MYT1: variants seen among roughly 807,000 people sequenced by gnomAD.
The protein encoded by MYT1 is myelin transcription factor 1.
MYT1 carries 23 observed loss-of-function variants against 123.0 expected under a neutral mutation model. The observed-to-expected ratio is 0.19, with a 90% CI of 0.13 to 0.26. MYT1 has a LOEUF of 0.26. MYT1 is among the 10% of genes least tolerant of loss of function. The probability of loss-of-function intolerance (pLI) is 1.00; values close to 1 mark genes in which losing one functional copy is unlikely to be tolerated. For synonymous variants in MYT1, 518 were observed against 575.3 expected (o/e 0.90, Z 1.43); for missense variants, 1,125 against 1,472.5 (o/e 0.76, Z 3.86).
chr20:64,236,452 C>A (rs1336567325), intron 19 of MYT1, 103 bp from the exon 20 acceptor site: 68 of 824,012 alleles, frequency 8.3e-5, no homozygotes, highest in Non-Finnish European at 1.2e-4. Flanking sequence ...TGACCCGGGG[C>A]TGGCCGTGGT....
chr20:64,226,412 C>T (rs913645751), intron 16 of MYT1, among the ~76,000 whole-genome samples: 3 of 152,214 alleles, frequency 2.0e-5, no homozygotes, highest in Non-Finnish European at 4.4e-5. Context: ...TGGAAGACTC[C>T]GGTGAGGAAG....
Position 64,213,597 on chromosome 20 carries a change from G to A in MYT1, c.1581G>A (p.Pro527=), listed in dbSNP as rs1159209028. The A allele has an allele frequency of 6.2e-6, 10 of 1,613,944 alleles. No individual in the cohort carries two copies. Among genetic ancestry groups the A allele is most frequent in the Non-Finnish European group, 6.8e-6 (8 of 1,180,026 alleles). The change falls in exon 10 of 23, where the codon CCG becomes CCA. Residue 527 remains proline (P), a synonymous_variant. Coordinates refer to ENST00000328439, the MANE Select transcript of MYT1 (RefSeq NM_004535.3). The surrounding 1 kb of genome is among the most constrained non-coding windows in gnomAD (Gnocchi z 5.6). ...CCAAATCCCATGAGAAGCAGCAGCC[G>A]CAGACAGGAGATCCTTCCAAGAGTA... The part of the protein sequence containing the change: ...KLAKSHEKQQ[P]QTGDPSKSSS...
chr20:64,204,671 T>G (rs994142043), intron 4 of MYT1, among the ~76,000 whole-genome samples: 11 of 152,298 alleles, frequency 7.2e-5, no homozygotes, highest in African/African-American at 2.6e-4. Flanking sequence ...CTTCTGTGCT[T>G]TGGACTTGGG....
In MYT1 at chr20:64,219,919, C is replaced by T. The variant is rs566317245; in HGVS notation, c.2178C>T (p.Asp726=). 6.0e-5 allele frequency: 94 copies of T among 1,559,342 alleles called. 1 individual carries two copies. Among genetic ancestry groups the T allele is most frequent in the Non-Finnish European group, 6.2e-5 (71 of 1,151,626 alleles). The stretch of plus-strand genomic sequence containing the variant: ...AGTCCAGCCAGGCCTCCCGCCAGGA[C>T]GAGTGGGACCGGCCCCTGGACTACA... ...SPQSSQASRQ[D]EWDRPLDYTK... Residue 726 remains aspartate, a synonymous_variant, in exon 13 of 23, where the codon GAC becomes GAT. Transcript: ENST00000328439.
Position 64,180,728 on chromosome 20 carries a change from C to T in MYT1, c.-98-9335C>T, listed in dbSNP as rs1483120921. On this transcript the variant is annotated intron_variant, in intron 1 of 22. Transcript: ENST00000328439. ...CTGGACCTTTTCGGACACTTGTGCT[C>T]ACAGTGACCAGCTAGCTTCCTTTGT... Among the ~76,000 whole-genome samples the T allele has an allele frequency of 2.6e-5, 4 of 152,242 alleles. No homozygotes were observed. The East Asian group carries it at 7.7e-4, about 29-fold the overall frequency.
rs1983710647 is a variant in MYT1 at position 64,212,505 on chromosome 20, C to A, written c.1517+367C>A. ...CAGTGGTGTTGCTGCCTTAACCCTA[C>A]GAGCTCCCGAGAGAGCAGGGGGCGG... is the stretch of plus-strand genomic sequence containing the variant. On this transcript the variant is annotated intron_variant, in intron 9 of 22. Coordinates refer to ENST00000328439, the MANE Select transcript of MYT1 (RefSeq NM_004535.3). This position sits in a 1 kb window ranked among gnomAD's most constrained non-coding sequence, Gnocchi z 6.8. 6.6e-6 allele frequency among the ~76,000 whole-genome samples: 1 copy of A among 152,164 alleles called. No individual in the cohort carries two copies. Among genetic ancestry groups the A allele is most frequent in the Admixed American group, 6.5e-5 (1 of 15,274 alleles).
rs540276539 is a variant in MYT1 at position 64,181,812 on chromosome 20, A to T, written c.-98-8251A>T. On this transcript the variant is annotated intron_variant, in intron 1 of 22. Transcript: ENST00000328439. ...GACCTCGCTTTGAACTTTGAGAGGC[A>T]GATGCTGGACCTAGTATTTCTGCTG... Among the ~76,000 whole-genome samples, 4 of 152,350 alleles carry T rather than the reference A, an allele frequency of 2.6e-5. No individual in the cohort carries two copies. In the East Asian group the frequency reaches 7.7e-4, roughly 29 times the overall value.
At position 64,196,551 on chromosome 20, in the gene MYT1, A is replaced by G. The variant is rs1018155193; in HGVS notation, c.1-2311A>G. Among the ~76,000 whole-genome samples, 3 of 152,238 alleles carry G rather than the reference A, an allele frequency of 2.0e-5. No individual in the cohort carries two copies. The highest frequency in any genetic ancestry group is 6.5e-5 in the Admixed American group (1 of 15,278). ...CAAGTCACCCAGCTCTTACGGGTTC[A>G]TTCTCGTATTAAAGAGCCTGGTTTA... On this transcript the variant is annotated intron_variant, in intron 2 of 22. Coordinates refer to ENST00000328439, the MANE Select transcript of MYT1 (RefSeq NM_004535.3). This position sits in a 1 kb window ranked among gnomAD's most constrained non-coding sequence, Gnocchi z 4.3.
rs893216800 is a variant in MYT1, at chr20:64,168,031, C to A, written c.-99+3292C>A. On this transcript the variant is annotated intron_variant, in intron 1 of 22. Transcript: ENST00000328439. This position sits in a 1 kb window ranked among gnomAD's most constrained non-coding sequence, Gnocchi z 6.1. ...CAGGACAGCCCCACTGGGGAGCCCA[C>A]TGCCCAGCCCGGAGTGTCTGCTGGA... Among the ~76,000 whole-genome samples, 4 of 152,202 alleles carry A rather than the reference C, an allele frequency of 2.6e-5. No individual in the cohort carries two copies. Among genetic ancestry groups the A allele is most frequent in the African/African-American group, 9.7e-5 (4 of 41,438 alleles).
At chr20:64,237,449 T>A (rs535931218) in intron 21 of MYT1, 59 bp downstream of exon 21, 1 of 1,351,748 alleles carries the variant, frequency 7.4e-7, no homozygotes, top group Non-Finnish European at 1.0e-6. Context: ...AACATTCGTC[T>A]TGGGGACAGT....
Position 64,239,219 on chromosome 20 carries a change from T to A in MYT1, c.3094-541T>A, listed in dbSNP as rs113427760. 5.6e-4 allele frequency among the ~76,000 whole-genome samples: 85 copies of A among 152,306 alleles called. 4 individuals are homozygous for A. The highest frequency in any genetic ancestry group is 1.9e-3 in the South Asian group (9 of 4,822). ...CTTGCCTGTAGTTGGCCTGGGGAAG[T>A]CGTGCTTGGGAGGCCCTGAGGAGGC... is the stretch of plus-strand genomic sequence containing the variant. On this transcript the variant is annotated intron_variant, in intron 21 of 22. Transcript: ENST00000328439.
intron 1 of MYT1, among the ~76,000 whole-genome samples, chr20:64,165,214 G>A (rs1399547852): frequency 1.3e-5 from 2 of 151,968 alleles, no homozygotes; most frequent in Non-Finnish European, 2.9e-5. Flanking sequence ...CCCACCCAAG[G>A]TACTGAGGAG....
rs772873105 is a variant in MYT1 at position 64,207,698 on chromosome 20, C to T, written c.502C>T (p.Leu168Phe). The change falls in exon 7 of 23, where the codon CTC becomes TTC. Residue 168 changes from leucine to phenylalanine, a missense_variant. Leu to Phe is a conservative substitution (Grantham distance 22). Transcript: ENST00000328439. ...SSYQGIIATSLLNLGQIAEET... is the reference protein window; with the variant it reads ...SSYQGIIATSFLNLGQIAEET... ...CTACCAGGGAATCATCGCAACTTCT[C>T]TCCTGAACTTGGGTCAAATTGCTGA... 8 of 1,614,008 alleles carry T rather than the reference C, an allele frequency of 5.0e-6. No homozygotes were observed. In the South Asian group the frequency reaches 7.7e-5, roughly 16 times the overall value.
chr20:64,222,039 G>A lies in MYT1; in HGVS notation c.2388G>A (p.Glu796=), dbSNP rs1181961194. 2 of 1,612,582 alleles carry A rather than the reference G, an allele frequency of 1.2e-6. No individual in the cohort carries two copies. Among genetic ancestry groups the A allele is most frequent in the Non-Finnish European group, 1.7e-6 (2 of 1,179,970 alleles). Residue 796 remains glutamate, a synonymous_variant, in exon 14 of 23, where the codon GAG becomes GAA. Coordinates refer to ENST00000328439, the MANE Select transcript of MYT1 (RefSeq NM_004535.3). ...TTCTCTCCAAGGACATAAAGAAGGA[G>A]CTGCTCACGTAAGTCCCTGTTTGGC... The part of the protein sequence containing the change: ...LKFLSKDIKK[E]LLTCPTPGCD...
intron 19 of MYT1, among the ~76,000 whole-genome samples, chr20:64,235,519 G>T (rs1439737239): frequency 2.8e-5 from 4 of 142,426 alleles, no homozygotes; most frequent in Non-Finnish European, 4.5e-5. Context: ...CCCTGGGCTG[G>T]CCATGGTATG....
At chr20:64,235,361 TGTGGGTGACACTGGGCTGGTGGTG>T in intron 19 of MYT1, among the ~76,000 whole-genome samples, 1 of 70,366 alleles carries the variant, frequency 1.4e-5, no homozygotes, top group Non-Finnish European at 2.7e-5. Context: ...GGATGGCCGT[TGTGGGTGACACTGGGCTGGTGGTG>T]GTGGGTGACC....
chr20:64,179,276 T>G (rs1187492099), intron 1 of MYT1, among the ~76,000 whole-genome samples: 1 of 152,214 alleles, frequency 6.6e-6, no homozygotes, highest in Non-Finnish European at 1.5e-5. Context: ...TGGGATGCCC[T>G]TCAACGTGGG....
At chr20:64,177,541 C>T (rs1015482181) in intron 1 of MYT1, among the ~76,000 whole-genome samples, 6 of 148,366 alleles carry the variant, frequency 4.0e-5, no homozygotes, top group African/African-American at 9.9e-5. Context: ...GCCCTCGGGG[C>T]GGGGACAAGA....
At position 64,208,732 on chromosome 20, in the gene MYT1, G is replaced by C. The variant is rs1012042371; in HGVS notation, c.1291+245G>C. ...GTGTGAGAAAGAACCAGGTGGGAGA[G>C]AGGAGGTGGGAGGGACAGTGACCCA... On this transcript the variant is annotated intron_variant, in intron 7 of 22. Coordinates refer to ENST00000328439, the MANE Select transcript of MYT1 (RefSeq NM_004535.3). This position sits in a 1 kb window ranked among gnomAD's most constrained non-coding sequence, Gnocchi z 5.4. Among the ~76,000 whole-genome samples the C allele has an allele frequency of 1.3e-5, 2 of 152,234 alleles. No individual in the cohort carries two copies. Among genetic ancestry groups the C allele is most frequent in the Non-Finnish European group, 2.9e-5 (2 of 68,036 alleles).
Sources: gnomAD v4.1 joint callset for allele counts (sites outside exome capture counted in the v4.1 genomes callset) on GRCh38, gnomAD v4.1.1 for gene constraint, Gnocchi (gnomAD v3.1) non-coding constraint, MANE v1.5 for transcripts, NCBI Gene and HGNC (gene_info 2026-07-23, HGNC 2026-07-21) for gene names.